CD300LB: variants seen among roughly 807,000 people sequenced by gnomAD.
CD300LB encodes CD300 molecule like family member b.
CD300LB carries 18 observed loss-of-function variants against 20.8 expected under a neutral mutation model. That is an observed-to-expected ratio of 0.87 (90% CI 0.60 to 1.28). The LOEUF is 1.28. Ranked by LOEUF, CD300LB falls within the 50% of genes most tolerant of loss-of-function variation. The pLI, the probability that CD300LB is intolerant of heterozygous loss-of-function variation, is 0.00. For synonymous variants in CD300LB, 91 were observed against 91.3 expected (o/e 1.00, Z 0.02); for missense variants, 222 against 251.8 (o/e 0.88, Z 0.80).
intron 1 of CD300LB, among the ~76,000 whole-genome samples, chr17:74,527,435 C>T (rs1413388015): frequency 2.0e-5 from 3 of 152,192 alleles, no homozygotes; most frequent in South Asian, 2.1e-4. Flanking sequence ...AGGCAGATGC[C>T]GCCTCCTCAC....
At chr17:74,524,594 C>CAAACAAAACAAAATAAAACA (rs1567998874) in intron 2 of CD300LB, among the ~76,000 whole-genome samples, 6 of 152,106 alleles carry the variant, frequency 3.9e-5, no homozygotes, top group East Asian at 3.8e-4. Context: ...TCTCAAAAAA[C>CAAACAAAACAAAATAAAACA]AAACAAAACA....
rs1461347837 is a variant in CD300LB at position 74,521,631 on chromosome 17, G to C, written c.*1107C>G. On this transcript the variant is annotated 3_prime_UTR_variant, in exon 4 of 4. Coordinates refer to ENST00000392621, the MANE Select transcript of CD300LB (RefSeq NM_174892.4). ...CTCCTTTATCCACTGCTGACAGTCA[G>C]TACTCCCTATTAGAACCAAGAGCAG... is the stretch of plus-strand genomic sequence containing the variant. 1 of 985,318 alleles carries C rather than the reference G, an allele frequency of 1.0e-6. No homozygotes were observed. The highest frequency in any genetic ancestry group is 1.7e-5 in the African/African-American group (1 of 57,220). The allele number at this position is 985,318 out of a possible 1,614,324, so 61.0% of individuals were successfully genotyped here.
At chr17:74,523,510 G>A in intron 3 of CD300LB, 69 bp downstream of exon 3, 1 of 1,108,864 alleles carries the variant, frequency 9.0e-7, no homozygotes. Context: ...ACAGGCAGGA[G>A]TTCCCAGGCT....
At position 74,522,679 on chromosome 17, in the gene CD300LB, C is replaced by A. The variant is rs1396525360; in HGVS notation, c.*59G>T. ...CGAGGACTCGTAGATGTTCCTTCCA[C>A]AGCCCGAGTCTCTTCTGGAAACGTG... On this transcript the variant is annotated 3_prime_UTR_variant, in exon 4 of 4. Coordinates refer to ENST00000392621, the MANE Select transcript of CD300LB (RefSeq NM_174892.4). 11 of 1,600,782 alleles carry A rather than the reference C, an allele frequency of 6.9e-6. No homozygotes were observed. The East Asian group carries it at 2.5e-4, about 36-fold the overall frequency.
Position 74,522,734 on chromosome 17 carries a change from C to T in CD300LB, c.*4G>A, listed in dbSNP as rs770544002. 6 of 1,614,048 alleles carry T rather than the reference C, an allele frequency of 3.7e-6. No homozygotes were observed. In the South Asian group the frequency reaches 5.5e-5, roughly 15 times the overall value. ...GGGCAGGAAGGCTCTGCAGATCCAT[C>T]TCTCTAAGTGGCCATGTCTTTAGTC... On this transcript the variant is annotated 3_prime_UTR_variant, in exon 4 of 4. Transcript: ENST00000392621.
chr17:74,524,740 A>AT (rs1276179942), intron 2 of CD300LB, among the ~76,000 whole-genome samples: 1 of 152,124 alleles, frequency 6.6e-6, no homozygotes, highest in Non-Finnish European at 1.5e-5. Flanking sequence ...ACCCCTGTAG[A>AT]TCCCCCACCC....
Position 74,521,382 on chromosome 17 carries a change from G to A in CD300LB, c.*1356C>T. On this transcript the variant is annotated 3_prime_UTR_variant, in exon 4 of 4. Transcript: ENST00000392621. ...CTGGATCCAGGAAAGCATTCCAGGA[G>A]GTAGGGCCCTGGGGCTGGTGGACTG... 1.0e-6 allele frequency: 1 copy of A among 985,634 alleles called. No individual in the cohort carries two copies. Among genetic ancestry groups the A allele is most frequent in the Non-Finnish European group, 1.2e-6 (1 of 830,060 alleles). 61.1% of individuals were successfully genotyped at this position (985,634 alleles called of 1,614,324 possible).
chr17:74,523,277 AC>A lies in CD300LB; in HGVS notation c.443+301del, dbSNP rs1204018543. ...TCTGTGTCCCTTGATGTCTTGCACC[AC>A]AGAGGGTGGTATCTTATCTCCCCCT... is the stretch of plus-strand genomic sequence containing the variant. On this transcript the variant is annotated intron_variant, in intron 3 of 3. Coordinates refer to ENST00000392621, the MANE Select transcript of CD300LB (RefSeq NM_174892.4). 2.5e-5 allele frequency: 13 copies of A among 529,248 alleles called. No individual in the cohort carries two copies. In the East Asian group the frequency reaches 4.0e-4, roughly 16 times the overall value. The allele number at this position is 529,248 out of a possible 1,614,324, so 32.8% of individuals were successfully genotyped here. A position where few individuals can be genotyped will look rare whatever the true frequency, so the allele number is the denominator to read the frequency against.
chr17:74,523,034 A>C, intron 3 of CD300LB, 134 bp from the exon 4 acceptor site: 1 of 812,216 alleles, frequency 1.2e-6, no homozygotes, highest in South Asian at 1.8e-5. Context: ...ATTCCTGTAA[A>C]CCTCCTCCTT....
At chr17:74,524,021 A>T (rs1444279930) in intron 2 of CD300LB, among the ~76,000 whole-genome samples, 1 of 152,192 alleles carries the variant, frequency 6.6e-6, no homozygotes, top group Non-Finnish European at 1.5e-5. Context: ...AGCAGGGCTT[A>T]AGGAGAGAAG....
chr17:74,521,413 C>A lies in CD300LB; in HGVS notation c.*1325G>T, dbSNP rs1567997507. On this transcript the variant is annotated 3_prime_UTR_variant, in exon 4 of 4. Coordinates refer to ENST00000392621, the MANE Select transcript of CD300LB (RefSeq NM_174892.4). ...GCCCTGGGGCTGGTGGACTGTGGGTCTTGGTCCCTCACAGAATGACTCAGG... is the reference window on the plus strand; with the variant it reads ...GCCCTGGGGCTGGTGGACTGTGGGTATTGGTCCCTCACAGAATGACTCAGG... 2 of 985,426 alleles carry A rather than the reference C, an allele frequency of 2.0e-6. No homozygotes were observed. Among genetic ancestry groups the A allele is most frequent in the Non-Finnish European group, 2.4e-6 (2 of 830,036 alleles). 61.0% of individuals were successfully genotyped at this position (985,426 alleles called of 1,614,324 possible). A position where few individuals can be genotyped will look rare whatever the true frequency, so the allele number is the denominator to read the frequency against.
intron 1 of CD300LB, among the ~76,000 whole-genome samples, chr17:74,526,617 G>A (rs565312384): frequency 1.3e-5 from 2 of 152,328 alleles, no homozygotes; most frequent in African/African-American, 4.8e-5. Context: ...GGAGGCTGAA[G>A]CATGAAAATT....
chr17:74,531,024 T>TA (rs1908195524), intron 1 of CD300LB, among the ~76,000 whole-genome samples: 2 of 152,194 alleles, frequency 1.3e-5, no homozygotes, highest in South Asian at 2.1e-4. Context: ...AAACTGGTCT[T>TA]AAACGCCTGG....
Position 74,531,321 on chromosome 17 carries a change from G to A in CD300LB, c.30C>T (p.Leu10=), listed in dbSNP as rs1598130999. Residue 10 remains leucine (L), a synonymous_variant, in exon 1 of 4, where the codon CTC becomes CTT. Transcript: ENST00000392621. MWLPPALLL[L]SLSGCFSIQG... is the part of the protein sequence containing the mutation. Reference sequence around the variant, plus strand: ...CCCAGCCCCACTCACCTGAGAGGCTGAGAAGGAGCAGAGCAGGGGGCAGCC... The same window carrying A: ...CCCAGCCCCACTCACCTGAGAGGCTAAGAAGGAGCAGAGCAGGGGGCAGCC... 4.4e-6 allele frequency: 7 copies of A among 1,595,238 alleles called. No individual in the cohort carries two copies. The highest frequency in any genetic ancestry group is 5.1e-6 in the Non-Finnish European group (6 of 1,170,968).
Sources: allele counts gnomAD v4.1 joint callset (sites outside exome capture counted in the v4.1 genomes callset), GRCh38; gene constraint gnomAD v4.1.1; transcripts MANE v1.5; gene names NCBI Gene and HGNC (gene_info 2026-07-23, HGNC 2026-07-21).